The following EPHA6 variants were observed in gnomAD, a reference collection of about 807,000 sequenced individuals.
EPHA6 encodes the protein EPH receptor A6, also known as ephrin type-A receptor 6.
In EPHA6, 50 loss-of-function variants were observed where a neutral mutation model predicts 112.0. The ratio of observed to expected loss-of-function variants is 0.45; its 90% confidence interval spans 0.36 to 0.56. The LOEUF is 0.56. Among genes scored for constraint, EPHA6 ranks in the 20% least tolerant of loss-of-function variants. The pLI, the probability that EPHA6 is intolerant of heterozygous loss-of-function variation, is 0.00. For missense variants in EPHA6, 1,280 were observed against 1,417.4 expected, an observed-to-expected ratio of 0.90 and a Z score of 1.56; for synonymous variants, 529 against 490.7, an observed-to-expected ratio of 1.08 and a Z score of -1.03.
At chr3:97,547,002 T>G (rs2092960424) in intron 11 of EPHA6, among the ~76,000 whole-genome samples, 2 of 152,206 alleles carry the variant, frequency 1.3e-5, no homozygotes, top group Admixed American at 6.5e-5. Context: ...TCTTTGCCAT[T>G]GGTTCGAATT....
At chr3:97,641,679 G>A (rs554369357) in intron 14 of EPHA6, among the ~76,000 whole-genome samples, 10 of 152,308 alleles carry the variant, frequency 6.6e-5, no homozygotes, top group East Asian at 1.9e-4. Flanking sequence ...AAGGGGTGAC[G>A]GACGCACCTG....
intron 13 of EPHA6, among the ~76,000 whole-genome samples, chr3:97,634,623 C>G (rs139013848): frequency 7.0e-4 from 107 of 152,156 alleles, no homozygotes; most frequent in Middle Eastern, 3.4e-3. Flanking sequence ...AGGGAATGCT[C>G]TTGGCTAAAG....
chr3:97,539,169 A>T, intron 11 of EPHA6, among the ~76,000 whole-genome samples: 1 of 121,342 alleles, frequency 8.2e-6, no homozygotes, highest in African/African-American at 3.2e-5. Context: ...TTTTTTTGAG[A>T]CACAGCCTCC....
chr3:97,159,910 T>A (rs2076373596), intron 3 of EPHA6, among the ~76,000 whole-genome samples: 2 of 152,196 alleles, frequency 1.3e-5, no homozygotes, highest in South Asian at 2.1e-4. Flanking sequence ...AACAAAATTC[T>A]TCCTCTTCTA....
At chr3:97,722,371 A>G (rs544937702) in intron 15 of EPHA6, among the ~76,000 whole-genome samples, 187 of 152,342 alleles carry the variant, frequency 1.2e-3, no homozygotes, top group Non-Finnish European at 2.4e-3. Flanking sequence ...GACTGTAAAG[A>G]TTATCTAGGC....
intron 3 of EPHA6, among the ~76,000 whole-genome samples, chr3:97,012,024 A>G (rs1053021908): frequency 1.3e-5 from 2 of 152,168 alleles, no homozygotes; most frequent in African/African-American, 4.8e-5. Context: ...ACTCCATGGT[A>G]CATATATACC....
intron 5 of EPHA6, among the ~76,000 whole-genome samples, chr3:97,319,102 T>C (rs1430711802): frequency 6.6e-6 from 1 of 151,610 alleles, no homozygotes; most frequent in Admixed American, 6.6e-5. Flanking sequence ...ACATCACTTG[T>C]ACTTTTATCA....
intron 3 of EPHA6, among the ~76,000 whole-genome samples, chr3:97,103,621 G>C (rs1255166502): frequency 2.0e-5 from 3 of 151,952 alleles, no homozygotes; most frequent in African/African-American, 7.3e-5. Context: ...GGCTATTTGG[G>C]CTCTTTTTTG....
At chr3:97,256,188 A>C (rs2079306840) in intron 5 of EPHA6, among the ~76,000 whole-genome samples, 1 of 151,930 alleles carries the variant, frequency 6.6e-6, no homozygotes, top group African/African-American at 2.4e-5. Context: ...GTTTTATTTC[A>C]CTACTAATTT....
intron 3 of EPHA6, among the ~76,000 whole-genome samples, chr3:97,013,230 G>T (rs1315512622): frequency 6.6e-6 from 1 of 151,914 alleles, no homozygotes; most frequent in African/African-American, 2.4e-5. Context: ...GTAGTGTGAG[G>T]TCTTATATAA....
chr3:97,738,694 C>T lies in EPHA6; in HGVS notation c.3128+2576C>T, dbSNP rs2035375425. ...AGTGGCAAGCTCTGAGACAGCACTG[C>T]AGCACGCAGGCCAAAAGTTGGGTGC... On this transcript the variant is annotated intron_variant, in intron 16 of 17. Transcript: ENST00000389672. 2.0e-5 allele frequency among the ~76,000 whole-genome samples: 3 copies of T among 152,046 alleles called. No individual in the cohort carries two copies. In the South Asian group the frequency reaches 6.2e-4, roughly 32 times the overall value.
At chr3:96,938,904 A>T (rs2040765823) in intron 2 of EPHA6, among the ~76,000 whole-genome samples, 2 of 152,226 alleles carry the variant, frequency 1.3e-5, no homozygotes. Context: ...ATGCTGGATT[A>T]CATTTATTGA....
chr3:97,244,562 A>C (rs2108583084), intron 5 of EPHA6: 1 of 419,414 alleles, frequency 2.4e-6, no homozygotes, highest in South Asian at 8.9e-5. Context: ...TATCTTAATG[A>C]GTAAGTCCAT....
intron 16 of EPHA6, chr3:97,745,407 A>G (rs964023319): frequency 2.2e-5 from 10 of 451,962 alleles, no homozygotes; most frequent in East Asian, 2.1e-4. Context: ...ACAGCCCACA[A>G]TCAAAATAAC....
intron 3 of EPHA6, among the ~76,000 whole-genome samples, chr3:97,084,743 A>G (rs1321409528): frequency 2.0e-5 from 3 of 152,150 alleles, no homozygotes; most frequent in Non-Finnish European, 4.4e-5. Context: ...GCTGAAAGAT[A>G]TCAGAGACGA....
intron 3 of EPHA6, among the ~76,000 whole-genome samples, chr3:97,189,398 A>G (rs188613829): frequency 3.4e-4 from 52 of 152,240 alleles, no homozygotes; most frequent in African/African-American, 1.1e-3. Flanking sequence ...GGTTTTCTGA[A>G]ATAAAATTAT....
intron 5 of EPHA6, among the ~76,000 whole-genome samples, chr3:97,374,151 A>G (rs1312162029): frequency 1.3e-5 from 2 of 152,226 alleles, no homozygotes; most frequent in Non-Finnish European, 2.9e-5. Flanking sequence ...AGTTAAGGCA[A>G]AGCTCCAAAC....
intron 3 of EPHA6, among the ~76,000 whole-genome samples, chr3:97,046,107 C>T (rs901705506): frequency 6.6e-6 from 1 of 151,996 alleles, no homozygotes; most frequent in African/African-American, 2.4e-5. Context: ...AGCTTAACAC[C>T]TACTTTACAC....
chr3:97,733,547 A>G (rs936806199), intron 15 of EPHA6, among the ~76,000 whole-genome samples: 2 of 152,086 alleles, frequency 1.3e-5, no homozygotes, highest in Admixed American at 1.3e-4. Flanking sequence ...TGTTTAGGTC[A>G]ATAATATTTA....
Sources: gnomAD v4.1 joint callset for allele counts (sites outside exome capture counted in the v4.1 genomes callset) on GRCh38, gnomAD v4.1.1 for gene constraint, MANE v1.5 for transcripts, NCBI Gene and HGNC (gene_info 2026-07-23, HGNC 2026-07-21) for gene names.